Variants in SNTB1 observed in about 807,000 individuals in gnomAD.
SNTB1 encodes the protein beta-1-syntrophin.
Under a neutral mutation model 48.9 loss-of-function variants are expected in SNTB1, and 36 were observed. The observed-to-expected ratio is 0.74, with a 90% confidence interval of 0.56 to 0.97. The LOEUF (loss-of-function observed/expected upper bound fraction) is 0.97, where lower values mean the gene tolerates loss of function less well. Ranked by LOEUF, SNTB1 falls within the 50% of genes least tolerant of loss-of-function variation. SNTB1 has a pLI of 0.00. For missense variants in SNTB1, 786 were observed against 703.4 expected, an observed-to-expected ratio of 1.12 and a Z score of -1.33; for synonymous variants, 299 against 294.6, an observed-to-expected ratio of 1.01 and a Z score of -0.15.
chr8:120,808,898 T>G (rs887665435), intron 1 of SNTB1, among the ~76,000 whole-genome samples: 2 of 152,134 alleles, frequency 1.3e-5, no homozygotes, highest in Admixed American at 1.3e-4. Flanking sequence ...AATCTAGGTT[T>G]TTTTAAAAAA....
intron 1 of SNTB1, among the ~76,000 whole-genome samples, chr8:120,807,835 G>T (rs1020379392): frequency 2.6e-5 from 4 of 152,200 alleles, no homozygotes; most frequent in African/African-American, 9.6e-5. Context: ...GTATTGCCTA[G>T]AGGTTAAAAG....
rs559234987 is a variant in SNTB1, at chr8:120,736,101, G to A, written c.572-42193C>T. On this transcript the variant is annotated intron_variant, in intron 1 of 6. Coordinates refer to ENST00000517992, the MANE Select transcript of SNTB1 (RefSeq NM_021021.4). ...AAGCAAGGCACCTTCTTCACAAGGCGGCAGGAAGGAGAAGTGCCGAGTGAC... is the reference window on the plus strand; with the variant it reads ...AAGCAAGGCACCTTCTTCACAAGGCAGCAGGAAGGAGAAGTGCCGAGTGAC... 7.9e-5 allele frequency among the ~76,000 whole-genome samples: 12 copies of A among 152,202 alleles called. No homozygotes were observed. The South Asian group carries it at 8.3e-4, about 11-fold the overall frequency.
chr8:120,579,672 CTG>C (rs1187434621), intron 3 of SNTB1, among the ~76,000 whole-genome samples: 3 of 151,512 alleles, frequency 2.0e-5, no homozygotes, highest in Non-Finnish European at 2.9e-5. Context: ...GAGTGAGACT[CTG>C]TGTCAAAAAA....
chr8:120,562,328 C>T (rs1586996016), intron 4 of SNTB1, among the ~76,000 whole-genome samples: 1 of 152,130 alleles, frequency 6.6e-6, no homozygotes, highest in Non-Finnish European at 1.5e-5. Flanking sequence ...TGCCCAAGAG[C>T]GCATTGCAAG....
intron 2 of SNTB1, among the ~76,000 whole-genome samples, chr8:120,661,279 C>T (rs1426522901): frequency 1.3e-5 from 2 of 150,936 alleles, no homozygotes; most frequent in African/African-American, 4.9e-5. Context: ...AAAGCAGAAA[C>T]CAAAGTTATC....
intron 2 of SNTB1, among the ~76,000 whole-genome samples, chr8:120,668,695 C>A (rs550440157): frequency 2.0e-5 from 3 of 152,310 alleles, no homozygotes; most frequent in African/African-American, 7.2e-5. Context: ...ATTATCCATG[C>A]TTTTAGTACT....
chr8:120,680,487 A>C (rs1404665054), intron 2 of SNTB1, among the ~76,000 whole-genome samples: 4 of 152,322 alleles, frequency 2.6e-5, no homozygotes, highest in Non-Finnish European at 5.9e-5. Context: ...CACACCTTAT[A>C]TGTCCACACA....
At position 120,811,626 on chromosome 8, in the gene SNTB1, C is replaced by G. The variant is rs1234126986; in HGVS notation, c.218G>C (p.Gly73Ala). 6 of 1,591,868 alleles carry G rather than the reference C, an allele frequency of 3.8e-6. No individual in the cohort carries two copies. Among genetic ancestry groups the G allele is most frequent in the Non-Finnish European group, 5.1e-6 (6 of 1,172,842 alleles). ...GCCGCCCGCGCCCGGGTGCCCAGCC[C>G]CGGCGCCCCTGCAGAACGAGCCATT... ...ATNGSFCRGA[G>A]AGHPGAGGAQ... The change falls in exon 1 of 7, where the codon GGG becomes GCG. Residue 73 changes from glycine to alanine, a missense_variant. Coordinates refer to ENST00000517992, the MANE Select transcript of SNTB1 (RefSeq NM_021021.4).
At chr8:120,650,406 T>G (rs1014811771) in intron 2 of SNTB1, among the ~76,000 whole-genome samples, 61 of 152,296 alleles carry the variant, frequency 4.0e-4, no homozygotes, top group South Asian at 2.1e-4. Flanking sequence ...AGTGCCAAAT[T>G]ATTTGTCAAT....
intron 3 of SNTB1, among the ~76,000 whole-genome samples, chr8:120,582,736 A>G (rs1244409270): frequency 6.6e-6 from 1 of 151,998 alleles, no homozygotes; most frequent in Non-Finnish European, 1.5e-5. Flanking sequence ...AGGGAGGGGA[A>G]TATCACACAC....
At chr8:120,721,796 G>A (rs531978826) in intron 1 of SNTB1, among the ~76,000 whole-genome samples, 2 of 151,870 alleles carry the variant, frequency 1.3e-5, no homozygotes, top group East Asian at 1.9e-4. Flanking sequence ...GTGCAGGCTC[G>A]TTACATAGGT....
intron 1 of SNTB1, among the ~76,000 whole-genome samples, chr8:120,801,406 T>C (rs1563607263): frequency 6.6e-6 from 1 of 152,078 alleles, no homozygotes; most frequent in Non-Finnish European, 1.5e-5. Context: ...TTATAATTTA[T>C]TATTGTTTTA....
At chr8:120,636,901 T>G in intron 2 of SNTB1, 1 of 249,410 alleles carries the variant, frequency 4.0e-6, no homozygotes, top group South Asian at 7.4e-5. Flanking sequence ...GAGACCCGAA[T>G]TTCTGGTGAG....
intron 2 of SNTB1, among the ~76,000 whole-genome samples, chr8:120,645,001 G>C (rs1817262720): frequency 6.6e-6 from 1 of 150,776 alleles, no homozygotes; most frequent in Non-Finnish European, 1.5e-5. Flanking sequence ...CCCACTTTTT[G>C]ATGGGGTTGT....
chr8:120,651,282 C>T (rs1817407296), intron 2 of SNTB1, among the ~76,000 whole-genome samples: 1 of 152,160 alleles, frequency 6.6e-6, no homozygotes, highest in South Asian at 2.1e-4. Context: ...TTCTACTATC[C>T]TGGAATGGAA....
At chr8:120,749,460 T>C (rs1819177031) in intron 1 of SNTB1, among the ~76,000 whole-genome samples, 1 of 152,162 alleles carries the variant, frequency 6.6e-6, no homozygotes, top group Non-Finnish European at 1.5e-5. Flanking sequence ...TTTTTCCATG[T>C]CTAGAAGTTG....
intron 2 of SNTB1, among the ~76,000 whole-genome samples, chr8:120,646,173 T>C (rs1817294429): frequency 7.2e-6 from 1 of 138,884 alleles, no homozygotes; most frequent in African/African-American, 2.7e-5. Context: ...TCCTGCCTCA[T>C]TGCCCTGGCC....
At position 120,548,821 on chromosome 8, in the gene SNTB1, G is replaced by T. The variant is rs1815427546; in HGVS notation, c.1274C>A (p.Thr425Lys). 6 of 1,614,138 alleles carry T rather than the reference G, an allele frequency of 3.7e-6. No individual in the cohort carries two copies. Among genetic ancestry groups the T allele is most frequent in the Non-Finnish European group, 5.1e-6 (6 of 1,180,000 alleles). ...GTGGCAACCCTGTACTATGCTCCTT[G>T]TCCAGTGGGAGAGGTCCCTGCTGGT... ...AETSRDLSHW[T>K]RSIVQGCHNS... is the part of the protein sequence containing the mutation. Residue 425 changes from threonine to lysine, a missense_variant, in exon 5 of 7, where the codon ACA (threonine) becomes AAA (lysine). Thr to Lys is a moderately conservative substitution (Grantham distance 78). Coordinates refer to ENST00000517992, the MANE Select transcript of SNTB1 (RefSeq NM_021021.4).
At chr8:120,800,384 T>C (rs1820203579) in intron 1 of SNTB1, among the ~76,000 whole-genome samples, 1 of 152,098 alleles carries the variant, frequency 6.6e-6, no homozygotes, top group South Asian at 2.1e-4. Flanking sequence ...CATATTCAAA[T>C]TATCCATCCA....
Sources: allele counts gnomAD v4.1 joint callset (sites outside exome capture counted in the v4.1 genomes callset), GRCh38; gene constraint gnomAD v4.1.1; transcripts MANE v1.5; gene names NCBI Gene and HGNC (gene_info 2026-07-23, HGNC 2026-07-21).